CSMD1: variants seen among roughly 807,000 people sequenced by gnomAD.
The protein encoded by CSMD1 is CUB and Sushi multiple domains 1, also known as CUB and sushi domain-containing protein 1.
CSMD1 carries 213 observed loss-of-function variants against 417.5 expected under a neutral mutation model. That is an observed-to-expected ratio of 0.51 (90% CI 0.46 to 0.57). The LOEUF (loss-of-function observed/expected upper bound fraction) is 0.57, where lower values mean the gene tolerates loss of function less well. CSMD1 is among the 20% of genes least tolerant of loss of function. The pLI, the probability that CSMD1 is intolerant of heterozygous loss-of-function variation, is 0.00. For synonymous variants in CSMD1, 2,862 were observed against 1,736.8 expected (o/e 1.65, Z -16.11); for missense variants, 6,923 against 4,529.7 (o/e 1.53, Z -15.17).
intron 38 of CSMD1, among the ~76,000 whole-genome samples, chr8:3,159,275 G>T (rs955798264): frequency 1.3e-5 from 2 of 152,096 alleles, no homozygotes; most frequent in Admixed American, 6.6e-5. Context: ...CGTTTCCGAT[G>T]AGCGATTCTA....
intron 2 of CSMD1, among the ~76,000 whole-genome samples, chr8:4,615,607 G>A (rs182439357): frequency 1.3e-5 from 2 of 152,214 alleles, no homozygotes; most frequent in African/African-American, 2.4e-5. Context: ...CAAAAGAGGC[G>A]CTATAGCCAA....
chr8:4,942,197 C>CAA (rs1808050733), intron 1 of CSMD1, among the ~76,000 whole-genome samples: 1 of 152,128 alleles, frequency 6.6e-6, no homozygotes, highest in South Asian at 2.1e-4. Flanking sequence ...TTCCTTCCCC[C>CAA]CAACACACAG....
chr8:4,345,570 A>C (rs956294030), intron 3 of CSMD1, among the ~76,000 whole-genome samples: 1 of 152,138 alleles, frequency 6.6e-6, no homozygotes, highest in Non-Finnish European at 1.5e-5. Flanking sequence ...CGGACAAAGC[A>C]CTAATATCTA....
chr8:3,256,421 C>T (rs80211800), intron 26 of CSMD1, among the ~76,000 whole-genome samples: 6,795 of 152,178 alleles, frequency 0.045, 190 homozygotes, highest in Middle Eastern at 0.069. Context: ...CATGTTGCAG[C>T]CATCCCGAAA....
chr8:3,749,464 G>C (rs1008218305), intron 6 of CSMD1, among the ~76,000 whole-genome samples: 1 of 152,160 alleles, frequency 6.6e-6, no homozygotes, highest in Admixed American at 6.6e-5. Flanking sequence ...TTGGAGAGGT[G>C]AAAGTCAAAG....
At chr8:3,711,084 C>G (rs1414124769) in intron 6 of CSMD1, among the ~76,000 whole-genome samples, 1 of 152,118 alleles carries the variant, frequency 6.6e-6, no homozygotes, top group Non-Finnish European at 1.5e-5. Context: ...CAAATGTTTG[C>G]TATATTTCCT....
At chr8:4,583,821 G>A (rs1217206241) in intron 2 of CSMD1, among the ~76,000 whole-genome samples, 1 of 152,062 alleles carries the variant, frequency 6.6e-6, no homozygotes, top group African/African-American at 2.4e-5. Context: ...AGCCAGCAGT[G>A]GCAACCCACT....
intron 3 of CSMD1, among the ~76,000 whole-genome samples, chr8:4,113,095 A>G (rs995143068): frequency 6.6e-6 from 1 of 152,154 alleles, no homozygotes; most frequent in African/African-American, 2.4e-5. Context: ...AACTTAAATG[A>G]TTAATGTGGT....
At chr8:4,497,414 G>T (rs1802033798) in intron 2 of CSMD1, among the ~76,000 whole-genome samples, 1 of 152,142 alleles carries the variant, frequency 6.6e-6, no homozygotes, top group Admixed American at 6.6e-5. Context: ...TATTTTGGGG[G>T]GAAATATTAA....
chr8:3,036,606 C>T (rs1304563295), intron 50 of CSMD1, among the ~76,000 whole-genome samples: 1 of 151,882 alleles, frequency 6.6e-6, no homozygotes, highest in East Asian at 1.9e-4. Context: ...ACTGGACACG[C>T]GAGAGAAAAA....
chr8:4,754,587 C>G (rs1178953940), intron 1 of CSMD1, among the ~76,000 whole-genome samples: 1 of 151,584 alleles, frequency 6.6e-6, no homozygotes, highest in East Asian at 1.9e-4. Flanking sequence ...CGCAGTGGCT[C>G]ATGTCTGTAA....
intron 52 of CSMD1, among the ~76,000 whole-genome samples, chr8:3,001,493 C>T (rs1474553565): frequency 6.6e-6 from 1 of 152,084 alleles, no homozygotes; most frequent in East Asian, 1.9e-4. Context: ...GTTTTGGAGT[C>T]ACAAGAAGAG....
intron 40 of CSMD1, among the ~76,000 whole-genome samples, chr8:3,148,941 G>T (rs1337453881): frequency 6.6e-6 from 1 of 152,000 alleles, no homozygotes; most frequent in Non-Finnish European, 1.5e-5. Context: ...AAAAAGCTAG[G>T]GATAATACTT....
intron 5 of CSMD1, among the ~76,000 whole-genome samples, chr8:3,887,630 A>C (rs570194298): frequency 5.3e-5 from 8 of 152,344 alleles, no homozygotes; most frequent in African/African-American, 1.4e-4. Context: ...ATAAATAGAG[A>C]GTTGAGAACA....
chr8:4,101,663 G>C (rs1293961116), intron 3 of CSMD1, among the ~76,000 whole-genome samples: 1 of 152,202 alleles, frequency 6.6e-6, no homozygotes, highest in Non-Finnish European at 1.5e-5. Context: ...CAAATAGAAT[G>C]TTGAATTTAT....
intron 1 of CSMD1, among the ~76,000 whole-genome samples, chr8:4,724,002 A>G (rs577235306): frequency 2.0e-5 from 3 of 152,250 alleles, no homozygotes; most frequent in South Asian, 2.1e-4. Flanking sequence ...TTTTAAAAAT[A>G]TGATGCTCTG....
chr8:2,969,991 C>T (rs543310312), intron 57 of CSMD1, among the ~76,000 whole-genome samples: 1 of 152,248 alleles, frequency 6.6e-6, no homozygotes, highest in African/African-American at 2.4e-5. Flanking sequence ...AGCATTGCAA[C>T]ATTTTTGTAA....
chr8:3,820,279 T>G (rs1801655191), intron 5 of CSMD1, among the ~76,000 whole-genome samples: 1 of 152,116 alleles, frequency 6.6e-6, no homozygotes, highest in South Asian at 2.1e-4. Flanking sequence ...TAGAAATATG[T>G]GTAGGATATG....
chr8:4,289,262 G>T (rs780068900), intron 3 of CSMD1, among the ~76,000 whole-genome samples: 1 of 152,144 alleles, frequency 6.6e-6, no homozygotes, highest in African/African-American at 2.4e-5. Flanking sequence ...TTCCCTGGAA[G>T]CCTCTTTAGG....
Sources: gnomAD v4.1 joint callset for allele counts (sites outside exome capture counted in the v4.1 genomes callset) on GRCh38, gnomAD v4.1.1 for gene constraint, MANE v1.5 for transcripts, NCBI Gene and HGNC (gene_info 2026-07-23, HGNC 2026-07-21) for gene names.